Variants in MALT1 observed in about 807,000 individuals in gnomAD.
MALT1 encodes the protein mucosa-associated lymphoid tissue lymphoma translocation protein 1.
MALT1 carries 36 observed loss-of-function variants against 85.5 expected under a neutral mutation model. The ratio of observed to expected loss-of-function variants is 0.42; its 90% CI spans 0.32 to 0.56. MALT1 has a LOEUF of 0.56. MALT1 is among the 20% of genes least tolerant of loss of function. The pLI, the probability that MALT1 is intolerant of heterozygous loss-of-function variation, is 0.10. For synonymous variants in MALT1, 359 were observed against 361.3 expected, an observed-to-expected ratio of 0.99 and a Z score of 0.07; for missense variants, 716 against 981.6, an observed-to-expected ratio of 0.73 and a Z score of 3.62.
intron 4 of MALT1, 91 bp downstream of exon 4, chr18:58,700,682 C>A: frequency 8.5e-7 from 1 of 1,179,044 alleles, no homozygotes. Flanking sequence ...TTCAAAGTAT[C>A]AAAAAACATA....
chr18:58,682,930 C>T (rs184585198), intron 2 of MALT1, among the ~76,000 whole-genome samples: 4 of 152,162 alleles, frequency 2.6e-5, no homozygotes, highest in African/African-American at 7.2e-5. Context: ...TATTTCCCAG[C>T]GCCTCTTCCT....
Position 58,686,879 on chromosome 18 carries a change from C to G in MALT1, c.376+5543C>G, listed in dbSNP as rs191844850. ...GCTATTGTGAACATTTAAATTTTAA[C>G]CAACAAACATTTACATGGAAAATGA... is the stretch of plus-strand genomic sequence containing the variant. On this transcript the variant is annotated intron_variant, in intron 2 of 16. Coordinates refer to ENST00000649217, the MANE Select transcript of MALT1 (RefSeq NM_006785.4). Among the ~76,000 whole-genome samples the G allele has an allele frequency of 2.2e-3, 330 of 152,286 alleles. 1 individual carries two copies. The highest frequency in any genetic ancestry group is 3.4e-3 in the Middle Eastern group (1 of 294).
rs1602342437 is a variant in MALT1, at chr18:58,742,010, T to C, written c.1749T>C (p.Ala583=). ...TGCGGAATCTACAGTGGGCCAAGGC[T>C]CATGGTACGGTAAAGCCCATTTTTT... The part of the protein sequence containing the change: ...SLVRNLQWAK[A]HELPESMCLK... Residue 583 remains alanine, a synonymous_variant, in exon 14 of 17, where the codon GCT becomes GCC. Coordinates refer to ENST00000649217, the MANE Select transcript of MALT1 (RefSeq NM_006785.4). 1 of 1,515,526 alleles carries C rather than the reference T, an allele frequency of 6.6e-7. No individual in the cohort carries two copies. The allele number at this position is 1,515,526 out of a possible 1,614,324, so 93.9% of individuals were successfully genotyped here. A position where few individuals can be genotyped will look rare whatever the true frequency, so the allele number is the denominator to read the frequency against.
chr18:58,721,130 A>G (rs2054976403), intron 9 of MALT1, among the ~76,000 whole-genome samples: 1 of 152,248 alleles, frequency 6.6e-6, no homozygotes, highest in Admixed American at 6.5e-5. Flanking sequence ...CTGTAATCCC[A>G]GCACTTTGGA....
intron 1 of MALT1, among the ~76,000 whole-genome samples, chr18:58,680,080 A>G (rs902286301): frequency 6.6e-6 from 1 of 152,200 alleles, no homozygotes; most frequent in Non-Finnish European, 1.5e-5. Flanking sequence ...AAAAGGGGTT[A>G]TAGTGAAAAG....
intron 14 of MALT1, 79 bp from the exon 15 acceptor site, chr18:58,744,259 T>C: frequency 1.1e-6 from 1 of 890,656 alleles, no homozygotes; most frequent in Non-Finnish European, 1.7e-6. Context: ...AAAGAAATGC[T>C]AACTATATTC....
Position 58,750,541 on chromosome 18 carries a change from A to G in MALT1, c.*2699A>G, listed in dbSNP as rs1053716372. On this transcript the variant is annotated 3_prime_UTR_variant, in exon 17 of 17. Coordinates refer to ENST00000649217, the MANE Select transcript of MALT1 (RefSeq NM_006785.4). Reference sequence around the variant, plus strand: ...TGTAGGCATATGGATAGACATATCGATCAGAGGAATGGAACTGAACATCCA... The same window carrying G: ...TGTAGGCATATGGATAGACATATCGGTCAGAGGAATGGAACTGAACATCCA... The G allele has an allele frequency of 3.3e-5, 5 of 152,246 alleles. No individual in the cohort carries two copies. The highest frequency in any genetic ancestry group is 3.3e-4 in the Admixed American group (5 of 15,286). 9.4% of individuals were successfully genotyped at this position (152,246 alleles called of 1,614,324 possible).
At chr18:58,695,798 A>G (rs1355472093) in intron 2 of MALT1, among the ~76,000 whole-genome samples, 1 of 152,212 alleles carries the variant, frequency 6.6e-6, no homozygotes, top group Non-Finnish European at 1.5e-5. Context: ...TCGTGAGGGT[A>G]GAGCCTCCCG....
rs932957930 is a variant in MALT1, at chr18:58,750,531, A to G, written c.*2689A>G. 6.6e-6 allele frequency: 1 copy of G among 152,260 alleles called. No homozygotes were observed. Among genetic ancestry groups the G allele is most frequent in the Non-Finnish European group, 1.5e-5 (1 of 68,046 alleles). 9.4% of individuals were successfully genotyped at this position (152,260 alleles called of 1,614,324 possible). On this transcript the variant is annotated 3_prime_UTR_variant, in exon 17 of 17. Transcript: ENST00000649217. ...AATAAGACAGTGTAGGCATATGGAT[A>G]GACATATCGATCAGAGGAATGGAAC... is the stretch of plus-strand genomic sequence containing the variant.
intron 9 of MALT1, among the ~76,000 whole-genome samples, chr18:58,716,744 T>C (rs1477527159): frequency 6.6e-6 from 1 of 152,166 alleles, no homozygotes; most frequent in Non-Finnish European, 1.5e-5. Context: ...ATTAACTAGA[T>C]AGGGCATATA....
chr18:58,691,085 C>A, intron 2 of MALT1: 1 of 235,950 alleles, frequency 4.2e-6, no homozygotes, highest in Non-Finnish European at 8.6e-6. Flanking sequence ...GTGGAGCCGG[C>A]TGAGTGCCAA....
chr18:58,690,648 C>T (rs1169199492), intron 2 of MALT1: 7 of 165,534 alleles, frequency 4.2e-5, no homozygotes, highest in African/African-American at 1.4e-4. Context: ...GACCCTGGCT[C>T]GAAGCACCCA....
chr18:58,678,241 AC>A (rs1424091904), intron 1 of MALT1, among the ~76,000 whole-genome samples: 9 of 152,212 alleles, frequency 5.9e-5, no homozygotes, highest in African/African-American at 2.2e-4. Flanking sequence ...TCTTCATAAG[AC>A]TACTCAAAAT....
intron 6 of MALT1, among the ~76,000 whole-genome samples, chr18:58,710,315 TAC>T (rs1427146224): frequency 1.3e-5 from 2 of 152,236 alleles, no homozygotes; most frequent in African/African-American, 2.4e-5. Context: ...TTATTTTAGT[TAC>T]AGTTTATTTT....
chr18:58,688,647 G>C (rs2054447710), intron 2 of MALT1, among the ~76,000 whole-genome samples: 2 of 151,382 alleles, frequency 1.3e-5, no homozygotes, highest in South Asian at 4.2e-4. Context: ...TCCCTTTCCA[G>C]TAGTCACCTG....
chr18:58,715,009 G>A (rs1420816984), intron 8 of MALT1, among the ~76,000 whole-genome samples: 1 of 152,146 alleles, frequency 6.6e-6, no homozygotes, highest in African/African-American at 2.4e-5. Context: ...AAGCAAACTA[G>A]ACACAGCAGA....
chr18:58,713,748 T>C (rs1602313873), intron 7 of MALT1, among the ~76,000 whole-genome samples: 1 of 152,224 alleles, frequency 6.6e-6, no homozygotes, highest in Non-Finnish European at 1.5e-5. Flanking sequence ...CCTTAAAATG[T>C]TCTAAAATTA....
intron 15 of MALT1, 54 bp downstream of exon 15, chr18:58,744,549 C>A (rs546671914): frequency 7.5e-6 from 9 of 1,206,676 alleles, no homozygotes; most frequent in African/African-American, 6.3e-5. Flanking sequence ...TTATTAAAGA[C>A]TAAATTTTTT....
At chr18:58,686,267 T>G (rs1056517822) in intron 2 of MALT1, among the ~76,000 whole-genome samples, 7 of 152,230 alleles carry the variant, frequency 4.6e-5, no homozygotes, top group Admixed American at 2.0e-4. Flanking sequence ...CCTCAGGTAA[T>G]CCGTCCGCCT....
Sources: allele counts gnomAD v4.1 joint callset (sites outside exome capture counted in the v4.1 genomes callset), GRCh38; gene constraint gnomAD v4.1.1; transcripts MANE v1.5; gene names NCBI Gene and HGNC (gene_info 2026-07-23, HGNC 2026-07-21).